TCEA2: variants seen among roughly 807,000 people sequenced by gnomAD.
TCEA2 encodes transcription elongation factor A2.
In TCEA2, 21 loss-of-function variants were observed where a neutral mutation model predicts 40.8. The ratio of observed to expected loss-of-function variants is 0.51; its 90% confidence interval spans 0.36 to 0.74. The LOEUF (loss-of-function observed/expected upper bound fraction) is 0.74, where lower values mean the gene tolerates loss of function less well. TCEA2 is among the 30% of genes least tolerant of loss of function. The probability of loss-of-function intolerance (pLI) is 0.00; values close to 1 mark genes in which losing one functional copy is unlikely to be tolerated. For synonymous variants in TCEA2, 165 were observed against 162.7 expected (o/e 1.01, Z -0.11); for missense variants, 326 against 426.5 (o/e 0.76, Z 2.08).
chr20:64,067,907 C>T, intron 3 of TCEA2, 140 bp from the exon 4 acceptor site: 2 of 628,844 alleles, frequency 3.2e-6, no homozygotes, highest in South Asian at 2.3e-5. Flanking sequence ...CCTGGCTCCC[C>T]TGGCTGGGTG....
Position 64,070,625 on chromosome 20 carries a change from C to T in TCEA2, c.809C>T (p.Thr270Ile), listed in dbSNP as rs951366303. Residue 270 changes from threonine to isoleucine, a missense_variant, in exon 8 of 10, where the codon ACC becomes ATC. Physicochemically the swap from Thr to Ile is moderately conservative, Grantham distance 89 (BLOSUM62 -1). Coordinates refer to ENST00000343484, the MANE Select transcript of TCEA2 (RefSeq NM_003195.6). ...GGCAAGTGCAGGAAAAAGAACTGCA[C>T]CTACACACAGGTGAGCGGCCGCTGG... ...TCGKCRKKNCTYTQVQTRSSD... is the reference protein window; with the variant it reads ...TCGKCRKKNCIYTQVQTRSSD... 6 of 1,599,058 alleles carry T rather than the reference C, an allele frequency of 3.8e-6. No individual in the cohort carries two copies. The highest frequency in any genetic ancestry group is 5.1e-6 in the Non-Finnish European group (6 of 1,172,738).
At chr20:64,061,198 T>G (rs912798449), upstream of TCEA2, among the ~76,000 whole-genome samples, 9 of 144,192 alleles carry the variant, frequency 6.2e-5, no homozygotes, top group Non-Finnish European at 1.0e-4. Flanking sequence ...CCTCCTGGGT[T>G]CAAGTGATTC....
chr20:64,063,454 C>T (rs1217703779), intron 1 of TCEA2, 70 bp downstream of exon 1: 2 of 1,503,248 alleles, frequency 1.3e-6, no homozygotes, highest in South Asian at 2.4e-5. Context: ...CCGCCGACCC[C>T]CGTTAGGGCC....
chr20:64,070,782 C>G, intron 8 of TCEA2, 147 bp downstream of exon 8: 1 of 1,166,922 alleles, frequency 8.6e-7, no homozygotes, highest in Non-Finnish European at 1.2e-6. Context: ...TGATGGCCAC[C>G]TTCAGGGACC....
At chr20:64,064,578 G>A (rs6062343) in intron 1 of TCEA2, among the ~76,000 whole-genome samples, 67,035 of 151,986 alleles carry the variant, frequency 0.44, 15,270 homozygotes, top group East Asian at 0.67. Flanking sequence ...AGCCCAGGGC[G>A]GTGAAGGTGG....
At chr20:64,069,722 G>A in intron 5 of TCEA2, 43 bp from the exon 6 acceptor site, 1 of 1,593,602 alleles carries the variant, frequency 6.3e-7, no homozygotes, top group Non-Finnish European at 8.6e-7. Context: ...GGTGGCAGGT[G>A]GAGAAACCAG....
At chr20:64,063,469 G>T in intron 1 of TCEA2, 85 bp downstream of exon 1, 1 of 1,438,346 alleles carries the variant, frequency 7.0e-7, no homozygotes. Flanking sequence ...AGGGCCGGAA[G>T]ACGACCTGAG....
At chr20:64,057,525 G>A (rs545679518) in exon 1 of TCEA2, 3 of 152,410 alleles carry the variant, frequency 2.0e-5, no homozygotes, top group East Asian at 1.9e-4. Flanking sequence ...ACCCTGCGGC[G>A]AGGCCCCACA....
chr20:64,063,414 G>A lies in TCEA2; in HGVS notation c.72+30G>A, dbSNP rs753832094. 6 of 1,540,412 alleles carry A rather than the reference G, an allele frequency of 3.9e-6. No homozygotes were observed. The South Asian group carries it at 7.2e-5, about 18-fold the overall frequency. On this transcript the variant is annotated intron_variant, in intron 1 of 9. Transcript: ENST00000343484. ...GGGGCGCGGGCCGCCAGGACCCCGG[G>A]AACCCCGCCCCGCCGAGACCCCGTC...
intron 4 of TCEA2, among the ~76,000 whole-genome samples, chr20:64,068,375 C>T (rs2059745139): frequency 6.6e-6 from 1 of 152,232 alleles, no homozygotes; most frequent in African/African-American, 2.4e-5. Flanking sequence ...CCAAGAGCTG[C>T]TGTATACCCT....
In TCEA2 at chr20:64,064,688, TG is replaced by T. The variant is rs1250068539; in HGVS notation, c.72+1307del. ...TTTTTGGGCTGAGCAGGGTTGAGTC[TG>T]GGTTCCTGTGACCAGCGTTCTGGAC... On this transcript the variant is annotated intron_variant, in intron 1 of 9. Coordinates refer to ENST00000343484, the MANE Select transcript of TCEA2 (RefSeq NM_003195.6). 2.0e-5 allele frequency among the ~76,000 whole-genome samples: 3 copies of T among 152,224 alleles called. No individual in the cohort carries two copies. In the East Asian group the frequency reaches 5.8e-4, roughly 29 times the overall value.
upstream of TCEA2, among the ~76,000 whole-genome samples, chr20:64,060,549 G>A (rs1225192578): frequency 2.0e-5 from 3 of 152,076 alleles, no homozygotes; most frequent in South Asian, 2.1e-4. Flanking sequence ...GCCTCCCCTC[G>A]TGCCTCTGAT....
chr20:64,055,875 G>A (rs577105460), upstream of TCEA2, among the ~76,000 whole-genome samples: 1 of 152,070 alleles, frequency 6.6e-6, no homozygotes, highest in African/African-American at 2.4e-5. The surrounding 1 kb of genome is among the most constrained non-coding windows in gnomAD (Gnocchi z 4.0). Flanking sequence ...GGGAGGCCTG[G>A]GCCCCTGGGA....
At chr20:64,070,142 C>A in intron 6 of TCEA2, 118 bp from the exon 7 acceptor site, 1 of 1,473,246 alleles carries the variant, frequency 6.8e-7, no homozygotes, top group Non-Finnish European at 9.3e-7. Context: ...GGCAGACCGA[C>A]CCCTGTGTGG....
upstream of TCEA2, among the ~76,000 whole-genome samples, chr20:64,061,386 C>T (rs2059562511): frequency 6.6e-6 from 1 of 152,120 alleles, no homozygotes; most frequent in African/African-American, 2.4e-5. Context: ...TGCCATTCTT[C>T]TGCCTCAGCC....
chr20:64,067,768 G>A (rs1046494224), intron 3 of TCEA2, among the ~76,000 whole-genome samples: 1 of 152,346 alleles, frequency 6.6e-6, no homozygotes, highest in Admixed American at 6.5e-5. Context: ...AGAGGCCCCA[G>A]AGGTGGCCTT....
upstream of TCEA2, among the ~76,000 whole-genome samples, chr20:64,060,978 T>C (rs139741126): frequency 0.033 from 4,971 of 151,344 alleles, 121 homozygotes; most frequent in Middle Eastern, 0.062. Context: ...TTTTTTGTAT[T>C]TTAGTAGAGA....
In TCEA2 at chr20:64,063,508, G is replaced by A. The variant is rs1166785821; in HGVS notation, c.72+124G>A. ...CAGGACGAGACCCCTCCCCGGCAGAGACTAACCGGGACGCAGGGGAGACCC... is the reference window on the plus strand; with the variant it reads ...CAGGACGAGACCCCTCCCCGGCAGAAACTAACCGGGACGCAGGGGAGACCC... On this transcript the variant is annotated intron_variant, in intron 1 of 9. Coordinates refer to ENST00000343484, the MANE Select transcript of TCEA2 (RefSeq NM_003195.6). 4.4e-6 allele frequency: 5 copies of A among 1,124,030 alleles called. No individual in the cohort carries two copies. In the African/African-American group the frequency reaches 6.4e-5, roughly 14 times the overall value. 69.6% of individuals were successfully genotyped at this position (1,124,030 alleles called of 1,614,324 possible). A position where few individuals can be genotyped will look rare whatever the true frequency, so the allele number is the denominator to read the frequency against.
chr20:64,055,967 G>T (rs961008469), upstream of TCEA2, among the ~76,000 whole-genome samples: 2 of 152,064 alleles, frequency 1.3e-5, no homozygotes, highest in South Asian at 4.1e-4. The surrounding 1 kb of genome is among the most constrained non-coding windows in gnomAD (Gnocchi z 4.0). Flanking sequence ...CCCCACGGCT[G>T]CCTGGGGCCT....
Sources: gnomAD v4.1 joint callset for allele counts (sites outside exome capture counted in the v4.1 genomes callset) on GRCh38, gnomAD v4.1.1 for gene constraint, Gnocchi (gnomAD v3.1) non-coding constraint, MANE v1.5 for transcripts, NCBI Gene and HGNC (gene_info 2026-07-23, HGNC 2026-07-21) for gene names.